The following PLXNA4 variants were observed in gnomAD, a reference collection of about 807,000 sequenced individuals.
PLXNA4 encodes the protein plexin-A4.
A neutral mutation model predicts 191.8 loss-of-function variants in PLXNA4; 44 were observed. The ratio of observed to expected loss-of-function variants is 0.23; its 90% confidence interval spans 0.18 to 0.29. The LOEUF (loss-of-function observed/expected upper bound fraction) is 0.29, where lower values mean the gene tolerates loss of function less well. Ranked by LOEUF, PLXNA4 falls within the 10% of genes least tolerant of loss-of-function variation. The pLI is 1.00. For synonymous variants in PLXNA4, 1,082 were observed against 1,009.5 expected (o/e 1.07, Z -1.36); for missense variants, 1,800 against 2,488.8 (o/e 0.72, Z 5.89).
chr7:132,461,513 T>C (rs1796502569), intron 3 of PLXNA4, among the ~76,000 whole-genome samples: 1 of 152,112 alleles, frequency 6.6e-6, no homozygotes, highest in East Asian at 1.9e-4. Context: ...ATGATAATAA[T>C]AATAGTGATA....
At chr7:132,197,194 T>A (rs114510621) in intron 13 of PLXNA4, among the ~76,000 whole-genome samples, 4 of 152,328 alleles carry the variant, frequency 2.6e-5, no homozygotes, top group African/African-American at 7.2e-5. Flanking sequence ...TCATTTTTTT[T>A]AAACTTAACT....
chr7:132,146,948 T>A (rs1214367127), intron 27 of PLXNA4, among the ~76,000 whole-genome samples: 1 of 152,246 alleles, frequency 6.6e-6, no homozygotes, highest in Non-Finnish European at 1.5e-5. Context: ...GTACTCTGCA[T>A]CGTGTCAACC....
intron 3 of PLXNA4, among the ~76,000 whole-genome samples, chr7:132,428,187 T>C (rs907713255): frequency 6.6e-6 from 1 of 152,048 alleles, no homozygotes; most frequent in African/African-American, 2.4e-5. Context: ...AAATTCCTAA[T>C]AGCGGGGACG....
intron 3 of PLXNA4, among the ~76,000 whole-genome samples, chr7:132,350,601 C>T (rs1209717742): frequency 3.9e-5 from 6 of 152,146 alleles, no homozygotes. Flanking sequence ...TGCCATTTCC[C>T]ACCCGCTGGG....
At chr7:132,340,266 G>C (rs563218740) in intron 3 of PLXNA4, among the ~76,000 whole-genome samples, 1 of 152,210 alleles carries the variant, frequency 6.6e-6, no homozygotes, top group Non-Finnish European at 1.5e-5. Flanking sequence ...TCACTGTATT[G>C]CTTATTAAAG....
intron 1 of PLXNA4, among the ~76,000 whole-genome samples, chr7:132,569,910 C>T (rs1365738315): frequency 3.9e-5 from 6 of 152,142 alleles, no homozygotes; most frequent in South Asian, 2.1e-4. Context: ...ACTTGGTTTA[C>T]GTAATGCAAA....
At chr7:132,613,476 T>C (rs973016600) in intron 2 of PLXNA4, among the ~76,000 whole-genome samples, 4 of 152,234 alleles carry the variant, frequency 2.6e-5, no homozygotes, top group Non-Finnish European at 5.9e-5. Context: ...AGGGGCCATG[T>C]CTCTTTATTC....
chr7:132,438,497 C>G (rs189458076), intron 3 of PLXNA4, among the ~76,000 whole-genome samples: 3 of 152,156 alleles, frequency 2.0e-5, no homozygotes, highest in African/African-American at 7.2e-5. Context: ...CCCAGTTAAA[C>G]AGGGAATGGC....
At chr7:132,493,962 G>A (rs1797906454) in intron 2 of PLXNA4, among the ~76,000 whole-genome samples, 1 of 152,058 alleles carries the variant, frequency 6.6e-6, no homozygotes, top group Non-Finnish European at 1.5e-5. Flanking sequence ...TGTAGAATGG[G>A]GATTATTACA....
intron 3 of PLXNA4, among the ~76,000 whole-genome samples, chr7:132,405,664 C>T (rs74641370): frequency 0.028 from 4,255 of 152,304 alleles, 246 homozygotes; most frequent in East Asian, 0.27. Flanking sequence ...CAGCCCATCA[C>T]TTGCAGAGCC....
intron 1 of PLXNA4, chr7:132,648,432 G>T (rs1334826407): frequency 6.6e-6 from 1 of 152,218 alleles, no homozygotes; most frequent in Non-Finnish European, 1.5e-5. Flanking sequence ...GCTTTCCTCT[G>T]CCTTCACACT....
At chr7:132,566,805 G>A (rs1039221278) in intron 1 of PLXNA4, among the ~76,000 whole-genome samples, 11 of 152,138 alleles carry the variant, frequency 7.2e-5, no homozygotes, top group South Asian at 2.1e-4. Flanking sequence ...GGCCACTGTC[G>A]CTAAAGTTTT....
intron 1 of PLXNA4, among the ~76,000 whole-genome samples, chr7:132,554,888 A>G (rs1049862272): frequency 1.3e-5 from 2 of 152,166 alleles, no homozygotes; most frequent in African/African-American, 2.4e-5. Context: ...GTTGCAGGCA[A>G]ACATTAGCAG....
At chr7:132,480,909 G>A (rs943464789) in intron 3 of PLXNA4, among the ~76,000 whole-genome samples, 1 of 152,172 alleles carries the variant, frequency 6.6e-6, no homozygotes, top group Non-Finnish European at 1.5e-5. Flanking sequence ...ATTTAGCCAG[G>A]GCCCTTGAGG....
chr7:132,382,413 T>A (rs1258293620), intron 3 of PLXNA4, among the ~76,000 whole-genome samples: 1 of 152,074 alleles, frequency 6.6e-6, no homozygotes, highest in Admixed American at 6.5e-5. Context: ...CCTACTGAAG[T>A]CTCAGTTTCT....
intron 3 of PLXNA4, among the ~76,000 whole-genome samples, chr7:132,318,108 C>A (rs1003708174): frequency 1.3e-5 from 2 of 152,208 alleles, no homozygotes; most frequent in African/African-American, 4.8e-5. Context: ...GCAATCTCAG[C>A]AGTTCATCCC....
chr7:132,296,157 T>C (rs977981372), intron 4 of PLXNA4, among the ~76,000 whole-genome samples: 2 of 152,208 alleles, frequency 1.3e-5, no homozygotes, highest in Non-Finnish European at 1.5e-5. Context: ...CACATCTGTG[T>C]GGAGCAGCCC....
At chr7:132,448,322 T>C (rs1795987371) in intron 3 of PLXNA4, among the ~76,000 whole-genome samples, 1 of 152,250 alleles carries the variant, frequency 6.6e-6, no homozygotes, top group Admixed American at 6.5e-5. Context: ...TCACAATAGC[T>C]GGTTGTTACA....
chr7:132,588,412 G>A (rs888044840), intron 2 of PLXNA4, among the ~76,000 whole-genome samples: 3 of 152,022 alleles, frequency 2.0e-5, no homozygotes, highest in Non-Finnish European at 4.4e-5. Flanking sequence ...TTGTCTAAAT[G>A]TCTCTTTGCC....
Sources: allele counts gnomAD v4.1 joint callset (sites outside exome capture counted in the v4.1 genomes callset), GRCh38; gene constraint gnomAD v4.1.1; transcripts MANE v1.5; gene names NCBI Gene and HGNC (gene_info 2026-07-23, HGNC 2026-07-21).